CACNA1A: variants seen among roughly 807,000 people sequenced by gnomAD.
CACNA1A encodes voltage-dependent P/Q-type calcium channel subunit alpha-1A.
A neutral mutation model predicts 262.4 loss-of-function variants in CACNA1A; 57 were observed. The ratio of observed to expected loss-of-function variants is 0.22; its 90% confidence interval spans 0.18 to 0.27. CACNA1A has a LOEUF of 0.27. Among genes scored for constraint, CACNA1A ranks in the 10% least tolerant of loss-of-function variants. The pLI, the probability that CACNA1A is intolerant of heterozygous loss-of-function variation, is 1.00. For missense variants in CACNA1A, 2,526 were observed against 3,562.8 expected, an observed-to-expected ratio of 0.71 and a Z score of 7.41; for synonymous variants, 1,431 against 1,419.3, an observed-to-expected ratio of 1.01 and a Z score of -0.18.
At chr19:13,368,714 G>A (rs2144542899) in intron 4 of CACNA1A, among the ~76,000 whole-genome samples, 1 of 152,228 alleles carries the variant, frequency 6.6e-6, no homozygotes, top group African/African-American at 2.4e-5. Flanking sequence ...ATAGCTCGAG[G>A]GGCCATGCCA....
chr19:13,239,810 C>T (rs1212024474), intron 31 of CACNA1A, among the ~76,000 whole-genome samples: 1 of 151,744 alleles, frequency 6.6e-6, no homozygotes, highest in Non-Finnish European at 1.5e-5. Flanking sequence ...TGCATGCGTG[C>T]ATGCATGCAT....
chr19:13,345,847 C>T (rs1319829576), intron 6 of CACNA1A, among the ~76,000 whole-genome samples: 1 of 150,528 alleles, frequency 6.6e-6, no homozygotes, highest in African/African-American at 2.5e-5. Context: ...ACTCTCAAAA[C>T]TGTCCTGGTT....
At chr19:13,324,684 A>G (rs1238136765) in intron 10 of CACNA1A, among the ~76,000 whole-genome samples, 1 of 151,606 alleles carries the variant, frequency 6.6e-6, no homozygotes, top group African/African-American at 2.4e-5. Flanking sequence ...CCTGGGCAAC[A>G]TAGCCAGACC....
chr19:13,435,272 C>A (rs1295331385), intron 3 of CACNA1A, among the ~76,000 whole-genome samples: 2 of 151,580 alleles, frequency 1.3e-5, no homozygotes, highest in Non-Finnish European at 2.9e-5. Flanking sequence ...TATCACCATG[C>A]CTGGCTAATT....
chr19:13,317,040 G>T, intron 11 of CACNA1A, 72 bp downstream of exon 11: 2 of 972,890 alleles, frequency 2.1e-6, no homozygotes, highest in Non-Finnish European at 3.2e-6. Flanking sequence ...TACTACCAGA[G>T]AAAGAGAAGT....
At chr19:13,427,500 T>A (rs1341106453) in intron 3 of CACNA1A, among the ~76,000 whole-genome samples, 1 of 104,552 alleles carries the variant, frequency 9.6e-6, no homozygotes, top group Non-Finnish European at 2.1e-5. Flanking sequence ...AAATAAAGAG[T>A]TCCCCCTATG....
At chr19:13,361,386 G>A (rs1314615601) in intron 5 of CACNA1A, among the ~76,000 whole-genome samples, 1 of 152,180 alleles carries the variant, frequency 6.6e-6, no homozygotes, top group Non-Finnish European at 1.5e-5. Context: ...AGGCAGGAAA[G>A]CTCACATCTG....
At chr19:13,406,481 A>G (rs1208510159) in intron 3 of CACNA1A, among the ~76,000 whole-genome samples, 1 of 89,554 alleles carries the variant, frequency 1.1e-5, no homozygotes, top group Non-Finnish European at 2.1e-5. Context: ...ATATATATAT[A>G]TATATATATA....
chr19:13,465,670 G>A (rs2061221507), intron 1 of CACNA1A, among the ~76,000 whole-genome samples: 1 of 151,968 alleles, frequency 6.6e-6, no homozygotes, highest in Non-Finnish European at 1.5e-5. Context: ...AAATTGTTTT[G>A]TAGAGATGGA....
At chr19:13,265,770 A>G (rs1044548646) in intron 24 of CACNA1A, among the ~76,000 whole-genome samples, 1 of 152,140 alleles carries the variant, frequency 6.6e-6, no homozygotes, top group Non-Finnish European at 1.5e-5. Flanking sequence ...ACACCTCCCT[A>G]ACACTTAGTA....
At chr19:13,372,172 A>AT (rs1170832537) in intron 3 of CACNA1A, among the ~76,000 whole-genome samples, 1 of 151,154 alleles carries the variant, frequency 6.6e-6, no homozygotes, top group Non-Finnish European at 1.5e-5. Flanking sequence ...ATTTTATTTT[A>AT]TTTTTTTGAG....
chr19:13,398,343 C>T (rs1403075480), intron 3 of CACNA1A, among the ~76,000 whole-genome samples: 1 of 151,896 alleles, frequency 6.6e-6, no homozygotes, highest in East Asian at 1.9e-4. Context: ...AGCCCTTATG[C>T]ATGTTGGGAT....
chr19:13,479,438 A>T (rs1978978414), intron 1 of CACNA1A, among the ~76,000 whole-genome samples: 1 of 152,142 alleles, frequency 6.6e-6, no homozygotes, highest in Non-Finnish European at 1.5e-5. Context: ...CTGAGGTAGG[A>T]CTGTGCCTGG....
At chr19:13,403,562 T>C (rs2144705126) in intron 3 of CACNA1A, among the ~76,000 whole-genome samples, 1 of 152,158 alleles carries the variant, frequency 6.6e-6, no homozygotes, top group Middle Eastern at 3.4e-3. Context: ...TTCATTCAGT[T>C]TTTGTTTGAA....
At chr19:13,447,282 C>T (rs1469351370) in intron 3 of CACNA1A, among the ~76,000 whole-genome samples, 1 of 152,164 alleles carries the variant, frequency 6.6e-6, no homozygotes, top group African/African-American at 2.4e-5. Flanking sequence ...ACCCTTAGGA[C>T]CTATCTGTTC....
intron 3 of CACNA1A, among the ~76,000 whole-genome samples, chr19:13,397,456 C>T (rs2059828311): frequency 6.6e-6 from 1 of 152,086 alleles, no homozygotes; most frequent in Non-Finnish European, 1.5e-5. Flanking sequence ...TTAAAATTGT[C>T]CTAAGGTAGG....
intron 4 of CACNA1A, chr19:13,371,020 T>C (rs1053856219): frequency 2.0e-5 from 3 of 152,178 alleles, no homozygotes; most frequent in Non-Finnish European, 2.9e-5. Flanking sequence ...AAACGGGGAC[T>C]AGATGTATCT....
intron 22 of CACNA1A, among the ~76,000 whole-genome samples, chr19:13,283,051 C>G (rs1396840544): frequency 6.6e-6 from 1 of 152,222 alleles, no homozygotes; most frequent in African/African-American, 2.4e-5. Context: ...GCCACCTCCA[C>G]CCCACCAGGC....
intron 3 of CACNA1A, among the ~76,000 whole-genome samples, chr19:13,390,181 C>A (rs8109106): frequency 0.45 from 68,339 of 151,566 alleles, 15,648 homozygotes; most frequent in Middle Eastern, 0.54. Flanking sequence ...CAGCGGTGCG[C>A]TCATAGTTCA....
Sources: gnomAD v4.1 joint callset for allele counts (sites outside exome capture counted in the v4.1 genomes callset) on GRCh38, gnomAD v4.1.1 for gene constraint, MANE v1.5 for transcripts, NCBI Gene and HGNC (gene_info 2026-07-23, HGNC 2026-07-21) for gene names.